Variants in KLF15 observed in about 807,000 individuals in gnomAD.
KLF15 encodes Krueppel-like factor 15.
In KLF15, 4 loss-of-function variants were observed where a neutral mutation model predicts 24.6. The ratio of observed to expected loss-of-function variants is 0.16; its 90% CI spans 0.08 to 0.37. The LOEUF is 0.37. Among genes scored for constraint, KLF15 ranks in the 10% least tolerant of loss-of-function variants. KLF15 has a pLI of 1.00. For synonymous variants in KLF15, 246 were observed against 236.3 expected, an observed-to-expected ratio of 1.04 and a Z score of -0.37; for missense variants, 496 against 560.6, an observed-to-expected ratio of 0.88 and a Z score of 1.16.
At chr3:126,290,787 C>T in the KLF15 span, 2 of 152,198 alleles carry the variant, frequency 1.3e-5, no homozygotes, top group Non-Finnish European at 2.9e-5. Flanking sequence ...GGTCACTTTA[C>T]ATATTATTTG....
the KLF15 span, among the ~76,000 whole-genome samples, chr3:126,309,319 G>A: frequency 7.2e-3 from 1,095 of 152,338 alleles, 9 homozygotes; most frequent in African/African-American, 0.024. Flanking sequence ...CCAGGTCAGC[G>A]CTGCTCATAC....
the KLF15 span, among the ~76,000 whole-genome samples, chr3:126,290,506 ACCTTCCTTCCTTCCTT>A: frequency 2.8e-4 from 40 of 144,714 alleles, no homozygotes; most frequent in African/African-American, 4.1e-4. Flanking sequence ...CTTCCTTCCT[ACCTTCCTTCCTTCCTT>A]CCTTCCTTCC....
chr3:126,350,657 T>C (rs2082575286), intron 2 of KLF15, among the ~76,000 whole-genome samples: 1 of 152,148 alleles, frequency 6.6e-6, no homozygotes, highest in Non-Finnish European at 1.5e-5. Context: ...CACCCACACA[T>C]AACACATGCA....
chr3:126,296,159 G>A, the KLF15 span, among the ~76,000 whole-genome samples: 14 of 152,156 alleles, frequency 9.2e-5, no homozygotes, highest in Admixed American at 9.2e-4. Flanking sequence ...GTTACTCATT[G>A]TTCATGTTTC....
chr3:126,325,027 T>C, the KLF15 span, among the ~76,000 whole-genome samples: 1 of 100,892 alleles, frequency 9.9e-6, no homozygotes, highest in Non-Finnish European at 1.9e-5. Flanking sequence ...ATCTCATTGT[T>C]CAATTCCCAC....
chr3:126,312,524 C>T, the KLF15 span, among the ~76,000 whole-genome samples: 40 of 152,296 alleles, frequency 2.6e-4, no homozygotes, highest in East Asian at 4.8e-3. Context: ...TGGTAAGCTT[C>T]CCTCCTGTTT....
the KLF15 span, among the ~76,000 whole-genome samples, chr3:126,300,790 G>A: frequency 6.6e-6 from 1 of 152,228 alleles, no homozygotes; most frequent in Non-Finnish European, 1.5e-5. Context: ...AGTGGGGCCA[G>A]TGGGTCTTTG....
chr3:126,299,076 T>C, the KLF15 span, among the ~76,000 whole-genome samples: 1 of 152,222 alleles, frequency 6.6e-6, no homozygotes, highest in East Asian at 1.9e-4. Flanking sequence ...ATTTTCACAA[T>C]ATTGATTCTA....
At chr3:126,357,205 G>GCGGC (rs890837044) in intron 1 of KLF15, 32 bp downstream of exon 1, 10 of 149,260 alleles carry the variant, frequency 6.7e-5, no homozygotes, top group African/African-American at 2.4e-4. Flanking sequence ...CCGCGTCCAC[G>GCGGC]CGGCCGGCCG....
downstream of KLF15, among the ~76,000 whole-genome samples, chr3:126,340,756 C>T (rs751090560): frequency 1.3e-5 from 2 of 152,172 alleles, no homozygotes; most frequent in Non-Finnish European, 2.9e-5. Flanking sequence ...CAGGTCAACA[C>T]AGCACTCCCC....
At chr3:126,314,122 C>G in the KLF15 span, among the ~76,000 whole-genome samples, 1 of 152,108 alleles carries the variant, frequency 6.6e-6, no homozygotes, top group Non-Finnish European at 1.5e-5. Flanking sequence ...CTGTGTCACT[C>G]CCTCGCTCGG....
rs1225746057 is a variant in KLF15 at position 126,356,864 on chromosome 3, C to T, written c.-26+373G>A. On this transcript the variant is annotated intron_variant, in intron 1 of 2. Transcript: ENST00000296233. The surrounding 1 kb of genome is among the most constrained non-coding windows in gnomAD (Gnocchi z 4.4). ...ACCCCTCCGTCTCCAGCCCCTCCGC[C>T]CCCCAACCCCGGGCTGGCCAGCGCG... Among the ~76,000 whole-genome samples the T allele has an allele frequency of 3.3e-5, 5 of 151,984 alleles. No homozygotes were observed.
the KLF15 span, among the ~76,000 whole-genome samples, chr3:126,313,743 A>G: frequency 6.6e-6 from 1 of 152,160 alleles, no homozygotes; most frequent in Non-Finnish European, 1.5e-5. Flanking sequence ...CTACTTACCA[A>G]CTACCCAAAA....
Position 126,343,868 on chromosome 3 carries a change from C to T in KLF15, c.1110G>A (p.Arg370=). ...WRFSRSDELS[R]HRRSHSGVKP... is the part of the protein sequence containing the mutation. ...TCACACCTGAGTGCGAGCGCCTGTG[C>T]CGCGACAGCTCGTCAGAGCGCGAGA... The change falls in exon 3 of 3, where the codon CGG becomes CGA. Residue 370 remains arginine (R), a synonymous_variant. Coordinates refer to ENST00000296233, the MANE Select transcript of KLF15 (RefSeq NM_014079.4). 1 of 1,598,078 alleles carries T rather than the reference C, an allele frequency of 6.3e-7. No homozygotes were observed. Among genetic ancestry groups the T allele is most frequent in the South Asian group, 1.1e-5 (1 of 89,518 alleles).
chr3:126,294,404 C>T, the KLF15 span, among the ~76,000 whole-genome samples: 4 of 152,150 alleles, frequency 2.6e-5, no homozygotes, highest in African/African-American at 7.2e-5. Flanking sequence ...TTGCCTCAGC[C>T]GTGCTCCCTG....
the KLF15 span, among the ~76,000 whole-genome samples, chr3:126,323,421 A>ATATGT: frequency 5.6e-5 from 2 of 35,482 alleles, no homozygotes; most frequent in East Asian, 1.7e-3. Flanking sequence ...ATATATATAT[A>ATATGT]TATATATATA....
At chr3:126,306,494 G>A in the KLF15 span, among the ~76,000 whole-genome samples, 1 of 152,182 alleles carries the variant, frequency 6.6e-6, no homozygotes, top group African/African-American at 2.4e-5. Flanking sequence ...AGGCCTCTGT[G>A]AGCTATCCGT....
chr3:126,352,495 T>C lies in KLF15; in HGVS notation c.428A>G (p.Glu143Gly). The C allele has an allele frequency of 6.2e-7, 1 of 1,613,266 alleles. No homozygotes were observed. The highest frequency in any genetic ancestry group is 1.1e-5 in the South Asian group (1 of 91,082). ...VPRPFQPTLE[E>G]IEEFLEENME... is the part of the protein sequence containing the mutation. The stretch of plus-strand genomic sequence containing the variant: ...GTTCTCCTCCAGAAACTCTTCAATC[T>C]CCTCCAGGGTAGGCTGGAAGGGCCG... Residue 143 changes from glutamate to glycine, a missense_variant, in exon 2 of 3, where the codon GAG (glutamate) becomes GGG (glycine). By Grantham distance (98) the Glu-to-Gly change is moderately conservative. Around this residue, in one of 3 missense-constraint regions of KLF15, gnomAD observed 399 missense variants for 423.1 expected, o/e 0.94. Transcript: ENST00000296233.
the KLF15 span, among the ~76,000 whole-genome samples, chr3:126,311,377 G>A: frequency 2.2e-4 from 33 of 152,334 alleles, no homozygotes; most frequent in African/African-American, 7.9e-4. Flanking sequence ...CTGGAAGCGG[G>A]TAGAAGTTGA....
Sources: allele counts gnomAD v4.1 joint callset (sites outside exome capture counted in the v4.1 genomes callset), GRCh38; gene constraint gnomAD v4.1.1; regional missense constraint gnomAD v4.1.1; non-coding constraint Gnocchi (gnomAD v3.1); transcripts MANE v1.5; gene names NCBI Gene and HGNC (gene_info 2026-07-23, HGNC 2026-07-21).